HPN: variants seen among roughly 807,000 people sequenced by gnomAD.
HPN encodes serine protease hepsin.
In HPN, 13 loss-of-function variants were observed where a neutral mutation model predicts 55.9. That is an observed-to-expected ratio of 0.23 (90% CI 0.15 to 0.37). The LOEUF (loss-of-function observed/expected upper bound fraction) is 0.37, where lower values mean the gene tolerates loss of function less well. Among genes scored for constraint, HPN ranks in the 10% least tolerant of loss-of-function variants. The pLI is 1.00. For missense variants in HPN, 451 were observed against 575.8 expected (o/e 0.78, Z 2.22); for synonymous variants, 225 against 240.3 (o/e 0.94, Z 0.59).
intron 4 of HPN, among the ~76,000 whole-genome samples, chr19:35,055,548 C>T (rs1431985690): frequency 2.0e-5 from 3 of 152,140 alleles, no homozygotes; most frequent in African/African-American, 7.2e-5. Flanking sequence ...CCTCCCAGTT[C>T]CTCCAGTCAC....
At chr19:35,046,674 C>T (rs1187048139) in intron 2 of HPN, among the ~76,000 whole-genome samples, 1 of 152,252 alleles carries the variant, frequency 6.6e-6, no homozygotes, top group Non-Finnish European at 1.5e-5. Flanking sequence ...TGCAGATGGG[C>T]GAGCTGGGAG....
At chr19:35,060,069 A>G in intron 6 of HPN, 60 bp from the exon 7 acceptor site, 1 of 1,613,736 alleles carries the variant, frequency 6.2e-7, no homozygotes, top group Admixed American at 1.7e-5. Context: ...TTTTCCTTCC[A>G]CCTGTCTTAA....
At chr19:35,059,136 T>C (rs1408715825) in intron 4 of HPN, 1 of 182,856 alleles carries the variant, frequency 5.5e-6, no homozygotes, top group African/African-American at 2.4e-5. Flanking sequence ...GCCTCAAGGC[T>C]GCTGTTGATT....
intron 2 of HPN, among the ~76,000 whole-genome samples, chr19:35,047,893 A>G (rs778712986): frequency 6.6e-6 from 1 of 151,242 alleles, no homozygotes; most frequent in Non-Finnish European, 1.5e-5. Context: ...GCTACTCGGG[A>G]GGCTCAGAAT....
intron 7 of HPN, 47 bp downstream of exon 7, chr19:35,060,216 G>T (rs755257408): frequency 1.9e-6 from 3 of 1,611,614 alleles, no homozygotes; most frequent in Non-Finnish European, 2.5e-6. Flanking sequence ...CCTTGGGGAG[G>T]CCACGTCCCC....
intron 10 of HPN, 53 bp downstream of exon 10, chr19:35,065,398 G>T: frequency 6.4e-7 from 1 of 1,569,758 alleles, no homozygotes; most frequent in African/African-American, 1.4e-5. Context: ...TCTGAACTAG[G>T]CTGGGGATGG....
rs543190188 is a variant in HPN at position 35,060,057 on chromosome 19, C to T, written c.413+61C>T. The T allele has an allele frequency of 5.0e-6, 8 of 1,613,758 alleles. No homozygotes were observed. In the South Asian group the frequency reaches 6.6e-5, roughly 13 times the overall value. On this transcript the variant is annotated intron_variant, in intron 6 of 12. Coordinates refer to ENST00000672452, the MANE Select transcript of HPN (RefSeq NM_001384133.1). Reference sequence around the variant, plus strand: ...AGACCCCCAAGGCACTCCCTCTCCCCGTTTTCCTTCCACCTGTCTTAACTG... The same window carrying T: ...AGACCCCCAAGGCACTCCCTCTCCCTGTTTTCCTTCCACCTGTCTTAACTG...
In HPN at chr19:35,066,232, C is replaced by G; in HGVS notation, c.1216-17C>G. The G allele has an allele frequency of 1.2e-6, 2 of 1,614,046 alleles. No homozygotes were observed. Among genetic ancestry groups the G allele is most frequent in the South Asian group, 1.1e-5 (1 of 91,058 alleles). ...AAGCCTCTCAGACCTCGGGAGCCCCCAGCTGTCTTTCCCCAGACTCACTCC... is the reference window on the plus strand; with the variant it reads ...AAGCCTCTCAGACCTCGGGAGCCCCGAGCTGTCTTTCCCCAGACTCACTCC... On this transcript the variant is annotated splice_polypyrimidine_tract_variant and intron_variant, in intron 12 of 12. Coordinates refer to ENST00000672452, the MANE Select transcript of HPN (RefSeq NM_001384133.1).
At position 35,042,382 on chromosome 19, in the gene HPN, G is replaced by C. The variant is rs981007260; in HGVS notation, c.-54-71G>C. 3 of 1,477,824 alleles carry C rather than the reference G, an allele frequency of 2.0e-6. No homozygotes were observed. The African/African-American group carries it at 4.2e-5, about 21-fold the overall frequency. 91.5% of individuals were successfully genotyped at this position (1,477,824 alleles called of 1,614,324 possible). On this transcript the variant is annotated intron_variant, in intron 1 of 12. Transcript: ENST00000672452. ...TACAGCCTGCCTGGATGGACGCCTGGGACTGGGGGCGCCAGGACTGGGCTG... is the reference window on the plus strand; with the variant it reads ...TACAGCCTGCCTGGATGGACGCCTGCGACTGGGGGCGCCAGGACTGGGCTG...
At position 35,041,729 on chromosome 19, in the gene HPN, AGCCTG is replaced by A. The variant is rs1568353657; in HGVS notation, c.-193_-189del. ...CAGCCCCCTCCTCCTCAGGTGAGGC[AGCCTG>A]GCCTAGCAGGCCCCACGCCACCGCC... On this transcript the variant is annotated 5_prime_UTR_variant, in exon 1 of 13. Transcript: ENST00000672452. 8.5e-7 allele frequency: 1 copy of A among 1,171,558 alleles called. No homozygotes were observed. Among genetic ancestry groups the A allele is most frequent in the African/African-American group, 1.9e-5 (1 of 54,016 alleles). The allele number at this position is 1,171,558 out of a possible 1,614,324, so 72.6% of individuals were successfully genotyped here. A position where few individuals can be genotyped will look rare whatever the true frequency, so the allele number is the denominator to read the frequency against.
chr19:35,062,933 C>G (rs372684359), intron 9 of HPN, among the ~76,000 whole-genome samples: 1 of 151,912 alleles, frequency 6.6e-6, no homozygotes, highest in Non-Finnish European at 1.5e-5. Context: ...GTAGTAATAG[C>G]GAGTAGTATT....
chr19:35,062,534 C>T (rs888658771), intron 9 of HPN, among the ~76,000 whole-genome samples: 8 of 152,250 alleles, frequency 5.3e-5, no homozygotes, highest in Admixed American at 5.2e-4. Context: ...TCCTTAACAC[C>T]TCTCCAACAC....
rs1318568681 is a variant in HPN at position 35,060,160 on chromosome 19, A to T, written c.445A>T (p.Ile149Phe). ...DCPRGRFLAA[I>F]CQDCGRRKLP... ...CCCCAGAGGCCGTTTCTTGGCCGCCATCTGCCAAGGTGAGATCCTAAAACT... is the reference window on the plus strand; with the variant it reads ...CCCCAGAGGCCGTTTCTTGGCCGCCTTCTGCCAAGGTGAGATCCTAAAACT... The change falls in exon 7 of 13, where the codon ATC becomes TTC. Residue 149 changes from isoleucine (I) to phenylalanine (F), a missense_variant. By Grantham distance (21) the Ile-to-Phe change is conservative. Around this residue, in one of 2 missense-constraint regions of HPN, gnomAD observed 378 missense variants for 445.5 expected, o/e 0.85. Transcript: ENST00000672452. The T allele has an allele frequency of 1.9e-6, 3 of 1,614,102 alleles. No individual in the cohort carries two copies. The highest frequency in any genetic ancestry group is 2.5e-6 in the Non-Finnish European group (3 of 1,180,028).
intron 4 of HPN, among the ~76,000 whole-genome samples, chr19:35,052,281 A>T (rs543089053): frequency 6.6e-6 from 1 of 152,256 alleles, no homozygotes; most frequent in African/African-American, 2.4e-5. Context: ...TAATCCCAGC[A>T]CTTTGGGAGG....
intron 4 of HPN, 58 bp downstream of exon 4, chr19:35,049,574 G>A (rs112545858): frequency 1.5e-5 from 22 of 1,478,646 alleles, no homozygotes; most frequent in Middle Eastern, 1.8e-4. Context: ...TGTATCTGGC[G>A]GGAGCTCAAC....
chr19:35,061,522 A>C (rs1461265200), intron 9 of HPN, among the ~76,000 whole-genome samples: 1 of 151,072 alleles, frequency 6.6e-6, no homozygotes. Flanking sequence ...TGAACCCGGG[A>C]GGTGGAGATT....
At chr19:35,047,244 C>G (rs1346530342) in intron 2 of HPN, among the ~76,000 whole-genome samples, 1 of 152,276 alleles carries the variant, frequency 6.6e-6, no homozygotes, top group African/African-American at 2.4e-5. Flanking sequence ...TCCCCAAGCT[C>G]TGGCCATCTG....
rs148547395 is a variant in HPN, at chr19:35,062,402, T to A, written c.811+1585T>A. 5.9e-4 allele frequency among the ~76,000 whole-genome samples: 54 copies of A among 90,880 alleles called. No homozygotes were observed. The East Asian group carries it at 0.017, about 28-fold the overall frequency. The allele number at this position is 90,880 out of a possible 152,430, so 59.6% of individuals were successfully genotyped here. A position where few individuals can be genotyped will look rare whatever the true frequency, so the allele number is the denominator to read the frequency against. ...AGCTGTTACCAAAAAACTAATAAAA[T>A]GAAAAGAAAATGTGTTAAAAATGAA... On this transcript the variant is annotated intron_variant, in intron 9 of 12. Transcript: ENST00000672452.
At chr19:35,063,614 C>T (rs1329444088) in intron 9 of HPN, among the ~76,000 whole-genome samples, 2 of 152,178 alleles carry the variant, frequency 1.3e-5, no homozygotes, top group African/African-American at 2.4e-5. Context: ...GAGGCAGAGG[C>T]AGGAGAATCA....
Sources: allele counts gnomAD v4.1 joint callset (sites outside exome capture counted in the v4.1 genomes callset), GRCh38; gene constraint gnomAD v4.1.1; regional missense constraint gnomAD v4.1.1; transcripts MANE v1.5; gene names NCBI Gene and HGNC (gene_info 2026-07-23, HGNC 2026-07-21).